The following MECOM variants were observed in gnomAD, a reference collection of about 807,000 sequenced individuals.
MECOM encodes histone-lysine N-methyltransferase MECOM.
In MECOM, 13 loss-of-function variants were observed where a neutral mutation model predicts 116.3. The observed-to-expected ratio is 0.11, with a 90% confidence interval of 0.07 to 0.18. The LOEUF (loss-of-function observed/expected upper bound fraction) is 0.18. Among genes scored for constraint, MECOM ranks in the 10% least tolerant of loss-of-function variants. MECOM has a pLI of 1.00. For synonymous variants in MECOM, 528 were observed against 535.2 expected (o/e 0.99, Z 0.19); for missense variants, 1,299 against 1,509.0 (o/e 0.86, Z 2.31).
At chr3:169,335,619 A>C (rs1465866058) in intron 2 of MECOM, among the ~76,000 whole-genome samples, 1 of 152,160 alleles carries the variant, frequency 6.6e-6, no homozygotes, top group Admixed American at 6.6e-5. Flanking sequence ...ACAGTAAAAG[A>C]TGACTTCAGA....
intron 2 of MECOM, among the ~76,000 whole-genome samples, chr3:169,299,896 T>A (rs1716385615): frequency 6.6e-6 from 1 of 152,230 alleles, no homozygotes; most frequent in Non-Finnish European, 1.5e-5. Context: ...GCCTTCACTA[T>A]GAATGTGGAT....
chr3:169,483,862 T>A (rs1033376726), intron 1 of MECOM: 43 of 1,611,240 alleles, frequency 2.7e-5, no homozygotes, highest in Non-Finnish European at 3.1e-5. Context: ...TTGCTCTTGC[T>A]CCTTTCGATG....
chr3:169,531,559 C>T (rs1054375947), intron 1 of MECOM, among the ~76,000 whole-genome samples: 7 of 152,116 alleles, frequency 4.6e-5, no homozygotes, highest in Admixed American at 1.3e-4. Flanking sequence ...ATGACTTAGT[C>T]ACATGGCCAT....
chr3:169,259,978 T>C (rs1577497491), intron 2 of MECOM, among the ~76,000 whole-genome samples: 1 of 152,202 alleles, frequency 6.6e-6, no homozygotes, highest in Non-Finnish European at 1.5e-5. Context: ...TGGGTTCTTA[T>C]GAAGGATTAA....
At chr3:169,595,088 A>C (rs1239934529) in intron 1 of MECOM, among the ~76,000 whole-genome samples, 1 of 152,132 alleles carries the variant, frequency 6.6e-6, no homozygotes, top group Non-Finnish European at 1.5e-5. Flanking sequence ...AGACAGGCTC[A>C]TGTGGCTATG....
intron 1 of MECOM, among the ~76,000 whole-genome samples, chr3:169,612,512 A>C (rs548651463): frequency 6.6e-6 from 1 of 151,902 alleles, no homozygotes; most frequent in Non-Finnish European, 1.5e-5. Context: ...GGGTAGTTCA[A>C]GGGTAGTTTT....
At chr3:169,341,353 A>AGAGTAGAG (rs1724471353) in intron 2 of MECOM, among the ~76,000 whole-genome samples, 1 of 151,162 alleles carries the variant, frequency 6.6e-6, no homozygotes, top group Non-Finnish European at 1.5e-5. Context: ...AAAACAATTG[A>AGAGTAGAG]ACTCATGGAC....
At chr3:169,331,911 A>G (rs147438914) in intron 2 of MECOM, among the ~76,000 whole-genome samples, 352 of 152,102 alleles carry the variant, frequency 2.3e-3, no homozygotes, top group Non-Finnish European at 4.3e-3. Flanking sequence ...GTCAGTGAGC[A>G]AGTGAGATGC....
Position 169,663,507 on chromosome 3 carries a change from TCTCTCTCTCTCTCTCTCTCTCTCC to T in MECOM, c.-159_-136del. ...CTCTCTCTCTCTCTCTCTCTCTCTCTCTCTCTCTCTCTCTCTCTCTCTCCCTCCCTCCTGTTTCTCTCCTGTTTC... is the reference window on the plus strand; with the variant it reads ...CTCTCTCTCTCTCTCTCTCTCTCTCTCTCCCTCCTGTTTCTCTCCTGTTTC... On this transcript the variant is annotated 5_prime_UTR_variant, in exon 1 of 17. Transcript: ENST00000651503. 1 of 672,606 alleles carries T rather than the reference TCTCTCTCTCTCTCTCTCTCTCTCC, an allele frequency of 1.5e-6. No homozygotes were observed. The highest frequency in any genetic ancestry group is 2.6e-6 in the Non-Finnish European group (1 of 381,318). The allele number at this position is 672,606 out of a possible 1,614,324, so 41.7% of individuals were successfully genotyped here.
At chr3:169,454,251 G>A (rs1746092321) in intron 1 of MECOM, among the ~76,000 whole-genome samples, 2 of 152,144 alleles carry the variant, frequency 1.3e-5, no homozygotes, top group Non-Finnish European at 1.5e-5. Flanking sequence ...CTTTACAAGA[G>A]TCTTGAGAAC....
chr3:169,089,445 T>C (rs1718954752), intron 15 of MECOM, among the ~76,000 whole-genome samples: 2 of 152,148 alleles, frequency 1.3e-5, no homozygotes, highest in South Asian at 4.1e-4. Flanking sequence ...TAGTCAGTAA[T>C]AGGCAGAGAC....
intron 1 of MECOM, among the ~76,000 whole-genome samples, chr3:169,659,459 T>C (rs1775978065): frequency 7.1e-6 from 1 of 140,188 alleles, no homozygotes; most frequent in Non-Finnish European, 1.5e-5. Flanking sequence ...TTTTTTTTTT[T>C]TTTTTTTTTT....
At chr3:169,140,672 T>C (rs1737829501) in intron 3 of MECOM, among the ~76,000 whole-genome samples, 1 of 94,750 alleles carries the variant, frequency 1.1e-5, no homozygotes, top group Non-Finnish European at 2.3e-5. Flanking sequence ...GCCACAAAGC[T>C]CATTCTGTCT....
chr3:169,102,816 T>A (rs926587197), intron 10 of MECOM, among the ~76,000 whole-genome samples: 1 of 152,036 alleles, frequency 6.6e-6, no homozygotes, highest in African/African-American at 2.4e-5. Flanking sequence ...TTATGTAGGA[T>A]CATATACAAA....
rs1466272361 is a variant in MECOM, at chr3:169,116,662, G to T, written c.1210C>A (p.Gln404Lys). 1.1e-5 allele frequency: 17 copies of T among 1,614,132 alleles called. No homozygotes were observed. Among genetic ancestry groups the T allele is most frequent in the Non-Finnish European group, 1.4e-5 (17 of 1,179,996 alleles). ...TGTCCACAGTCTTTGCACTTGATTT[G>T]GGTTCTGCAATCAGCATGCATGCGC... ...HKRMHADCRT[Q>K]IKCKDCGQMF... The change falls in exon 8 of 17, where the codon CAA becomes AAA. Residue 404 changes from glutamine to lysine, a missense_variant. Gln to Lys is a moderately conservative substitution (Grantham distance 53). Around this residue, in one of 6 missense-constraint regions of MECOM, gnomAD observed 42 missense variants for 103.9 expected, o/e 0.40. Transcript: ENST00000651503.
At chr3:169,361,805 T>C (rs1215742653) in intron 2 of MECOM, among the ~76,000 whole-genome samples, 1 of 151,792 alleles carries the variant, frequency 6.6e-6, no homozygotes, top group Non-Finnish European at 1.5e-5. Context: ...CATGCTACAT[T>C]TGAGAGGATC....
At chr3:169,446,165 G>T (rs1450185551) in intron 1 of MECOM, among the ~76,000 whole-genome samples, 1 of 152,152 alleles carries the variant, frequency 6.6e-6, no homozygotes, top group African/African-American at 2.4e-5. Context: ...GAGGACATGA[G>T]ATTTGGAGGG....
intron 1 of MECOM, among the ~76,000 whole-genome samples, chr3:169,616,101 C>T (rs1015822382): frequency 6.6e-6 from 1 of 152,186 alleles, no homozygotes; most frequent in Non-Finnish European, 1.5e-5. Context: ...GGCATACTGG[C>T]TGGTTCTCCC....
intron 2 of MECOM, among the ~76,000 whole-genome samples, chr3:169,219,700 C>T (rs1382182013): frequency 2.0e-5 from 3 of 151,612 alleles, no homozygotes; most frequent in African/African-American, 7.3e-5. Context: ...GTCTGTCACA[C>T]TTGCATGCCC....
Sources: gnomAD v4.1 joint callset for allele counts (sites outside exome capture counted in the v4.1 genomes callset) on GRCh38, gnomAD v4.1.1 for gene constraint, gnomAD v4.1.1 regional missense constraint, MANE v1.5 for transcripts, NCBI Gene and HGNC (gene_info 2026-07-23, HGNC 2026-07-21) for gene names.